Variants in NRXN1 observed in about 807,000 individuals in gnomAD.
NRXN1 encodes the protein neurexin 1.
NRXN1 carries 39 observed loss-of-function variants against 150.9 expected under a neutral mutation model. That is an observed-to-expected ratio of 0.26 (90% CI 0.20 to 0.34). The LOEUF (loss-of-function observed/expected upper bound fraction) is 0.34. Ranked by LOEUF, NRXN1 falls within the 10% of genes least tolerant of loss-of-function variation. NRXN1 has a pLI of 1.00. For synonymous variants in NRXN1, 924 were observed against 757.0 expected (o/e 1.22, Z -3.62); for missense variants, 1,815 against 1,949.9 (o/e 0.93, Z 1.30).
intron 17 of NRXN1, among the ~76,000 whole-genome samples, chr2:50,439,917 C>G (rs2085793903): frequency 6.6e-6 from 1 of 151,948 alleles, no homozygotes; most frequent in African/African-American, 2.4e-5. Context: ...AAGAATTACT[C>G]AAAATATGCA....
chr2:50,360,249 T>C (rs975560146), intron 17 of NRXN1, among the ~76,000 whole-genome samples: 1 of 152,184 alleles, frequency 6.6e-6, no homozygotes, highest in Non-Finnish European at 1.5e-5. Context: ...CAGGATCATT[T>C]CAAACATAAC....
Position 50,504,053 on chromosome 2 carries a change from T to C in NRXN1, c.2497+2442A>G, listed in dbSNP as rs1044305651. 3.3e-5 allele frequency among the ~76,000 whole-genome samples: 5 copies of C among 150,084 alleles called. No individual in the cohort carries two copies. In the Admixed American group the frequency reaches 3.3e-4, roughly 10 times the overall value. On this transcript the variant is annotated intron_variant, in intron 13 of 22. Transcript: ENST00000401669. ...ATTAATACAAAGCAGGAAGAGATTA[T>C]ATACTTCAACAATGTTAATGTGATG...
chr2:50,958,249 G>C (rs1484741241), intron 2 of NRXN1, among the ~76,000 whole-genome samples: 1 of 152,026 alleles, frequency 6.6e-6, no homozygotes, highest in Non-Finnish European at 1.5e-5. Context: ...AAAACTCCTT[G>C]CTTTGGAGCT....
At chr2:50,481,467 T>A (rs1272900827) in intron 15 of NRXN1, among the ~76,000 whole-genome samples, 2 of 152,236 alleles carry the variant, frequency 1.3e-5, no homozygotes, top group Non-Finnish European at 2.9e-5. Context: ...TTCAAAACTT[T>A]TTAAATCAAA....
intron 2 of NRXN1, among the ~76,000 whole-genome samples, chr2:50,984,394 G>T (rs76829032): frequency 0.018 from 2,734 of 151,970 alleles, 86 homozygotes; most frequent in African/African-American, 0.063. Flanking sequence ...AACGAAGAGT[G>T]TATGCGGCCA....
intron 5 of NRXN1, among the ~76,000 whole-genome samples, chr2:50,810,193 C>T (rs978776512): frequency 3.3e-5 from 5 of 152,180 alleles, no homozygotes; most frequent in Non-Finnish European, 7.4e-5. Context: ...CCAACTAATT[C>T]CAAGCATTTC....
At chr2:51,004,891 A>C (rs952266769) in intron 2 of NRXN1, among the ~76,000 whole-genome samples, 2 of 151,968 alleles carry the variant, frequency 1.3e-5, no homozygotes, top group African/African-American at 4.8e-5. Flanking sequence ...GGAATGAAAA[A>C]AGTCCTAAGA....
chr2:51,019,469 T>G (rs557597531), intron 2 of NRXN1, among the ~76,000 whole-genome samples: 3 of 152,246 alleles, frequency 2.0e-5, no homozygotes, highest in Non-Finnish European at 4.4e-5. Flanking sequence ...GCTTATGACC[T>G]TACCTTTAAG....
intron 18 of NRXN1, among the ~76,000 whole-genome samples, chr2:50,148,347 C>A (rs1225283929): frequency 6.6e-6 from 1 of 151,556 alleles, no homozygotes; most frequent in African/African-American, 2.4e-5. Flanking sequence ...TTAGCTTCTA[C>A]TTCATGAAGT....
intron 18 of NRXN1, among the ~76,000 whole-genome samples, chr2:50,171,739 T>C (rs1360717659): frequency 3.9e-5 from 6 of 152,220 alleles, no homozygotes; most frequent in Admixed American, 3.9e-4. Flanking sequence ...ACCACTATTC[T>C]TGAATATCCT....
chr2:50,396,665 G>T (rs947571788), intron 17 of NRXN1, among the ~76,000 whole-genome samples: 13 of 152,098 alleles, frequency 8.5e-5, no homozygotes, highest in African/African-American at 3.1e-4. Flanking sequence ...GGCATAGCAA[G>T]GCAAGACTGT....
rs1441840329 is a variant in NRXN1 at position 49,918,952 on chromosome 2, AC to A, written c.*2991del. 1 of 148,602 alleles carries A rather than the reference AC, an allele frequency of 6.7e-6. No homozygotes were observed. The highest frequency in any genetic ancestry group is 1.5e-5 in the Non-Finnish European group (1 of 65,746). The allele number at this position is 148,602 out of a possible 1,614,324, so 9.2% of individuals were successfully genotyped here. A position where few individuals can be genotyped will look rare whatever the true frequency, so the allele number is the denominator to read the frequency against. On this transcript the variant is annotated 3_prime_UTR_variant, in exon 23 of 23. Transcript: ENST00000401669. The stretch of plus-strand genomic sequence containing the variant: ...GATAAATTGGCCTTGCAACAGAAAA[AC>A]AAACAAACAAAAAAAGAAGAAGAAA...
chr2:51,004,638 G>C (rs542545274), intron 2 of NRXN1, among the ~76,000 whole-genome samples: 1 of 150,980 alleles, frequency 6.6e-6, no homozygotes, highest in African/African-American at 2.4e-5. Context: ...CCAAGACTCC[G>C]TCTCAAAAAT....
chr2:50,805,378 G>C (rs1300568956), intron 5 of NRXN1, among the ~76,000 whole-genome samples: 3 of 152,120 alleles, frequency 2.0e-5, no homozygotes, highest in African/African-American at 7.2e-5. Context: ...TTTCCAGGCA[G>C]GTGTGGTGGC....
At chr2:50,372,176 A>T (rs1473184483) in intron 17 of NRXN1, among the ~76,000 whole-genome samples, 1 of 152,078 alleles carries the variant, frequency 6.6e-6, no homozygotes, top group Non-Finnish European at 1.5e-5. Context: ...TAGAGCTGGA[A>T]GAAACACATT....
chr2:50,267,163 G>T (rs2068995261), intron 17 of NRXN1, among the ~76,000 whole-genome samples: 2 of 152,128 alleles, frequency 1.3e-5, no homozygotes, highest in Non-Finnish European at 1.5e-5. Context: ...GATGAATAAA[G>T]CATATAAGAA....
At chr2:50,727,857 A>T (rs567555680) in intron 5 of NRXN1, among the ~76,000 whole-genome samples, 1 of 152,238 alleles carries the variant, frequency 6.6e-6, no homozygotes, top group African/African-American at 2.4e-5. Context: ...AAGAATATTG[A>T]GTTGGGCTGA....
chr2:50,503,872 G>A (rs62135012), intron 13 of NRXN1, among the ~76,000 whole-genome samples: 42,555 of 151,824 alleles, frequency 0.28, 7,594 homozygotes, highest in Middle Eastern at 0.46. Context: ...TTGACCAAGT[G>A]GTCAAATTAA....
At chr2:50,669,802 C>CA (rs199500812) in intron 5 of NRXN1, among the ~76,000 whole-genome samples, 1,843 of 139,598 alleles carry the variant, frequency 0.013, 41 homozygotes, top group African/African-American at 0.045. Flanking sequence ...CACAGCTACT[C>CA]AAAATAAATA....
Sources: allele counts gnomAD v4.1 joint callset (sites outside exome capture counted in the v4.1 genomes callset), GRCh38; gene constraint gnomAD v4.1.1; transcripts MANE v1.5; gene names NCBI Gene and HGNC (gene_info 2026-07-23, HGNC 2026-07-21).